HEMK2: variants seen among roughly 807,000 people sequenced by gnomAD.
HEMK2 encodes the protein HemK methyltransferase 2, ETF1 glutamine and histone H4 lysine.
chr21:28,843,952 T>C, the HEMK2 span, among the ~76,000 whole-genome samples: 2 of 152,102 alleles, frequency 1.3e-5, no homozygotes, highest in African/African-American at 2.4e-5. Flanking sequence ...ATAAAACATA[T>C]ATTTATATGC....
the HEMK2 span, among the ~76,000 whole-genome samples, chr21:28,794,834 T>C: frequency 6.6e-6 from 1 of 152,156 alleles, no homozygotes; most frequent in Non-Finnish European, 1.5e-5. Flanking sequence ...CTATGTAACA[T>C]GAGACTCAAG....
the HEMK2 span, among the ~76,000 whole-genome samples, chr21:28,597,448 AT>A: frequency 6.6e-6 from 1 of 152,244 alleles, no homozygotes; most frequent in Non-Finnish European, 1.5e-5. Context: ...ACAAGGAGTA[AT>A]TAATAGAATT....
the HEMK2 span, among the ~76,000 whole-genome samples, chr21:28,804,956 T>A: frequency 6.6e-6 from 1 of 152,256 alleles, no homozygotes; most frequent in Admixed American, 6.5e-5. Flanking sequence ...TGGGTTGTCA[T>A]TAAATATACA....
At chr21:28,653,910 C>T in the HEMK2 span, among the ~76,000 whole-genome samples, 1 of 152,136 alleles carries the variant, frequency 6.6e-6, no homozygotes, top group African/African-American at 2.4e-5. Flanking sequence ...AAACTGTAAA[C>T]TATCTTTTTA....
the HEMK2 span, among the ~76,000 whole-genome samples, chr21:28,630,999 G>A: frequency 1.3e-5 from 2 of 152,268 alleles, no homozygotes; most frequent in East Asian, 1.9e-4. Flanking sequence ...GTTTAACAGT[G>A]ACTAAGGAAA....
the HEMK2 span, among the ~76,000 whole-genome samples, chr21:28,587,528 T>G: frequency 4.6e-5 from 7 of 152,328 alleles, no homozygotes; most frequent in East Asian, 1.2e-3. Flanking sequence ...ATTTACTACA[T>G]GGGTAAGCCA....
chr21:28,600,634 C>T, the HEMK2 span, among the ~76,000 whole-genome samples: 1 of 152,224 alleles, frequency 6.6e-6, no homozygotes, highest in Non-Finnish European at 1.5e-5. Context: ...ATGTCTGCAA[C>T]TAGATTGAAT....
At chr21:28,688,098 G>C in the HEMK2 span, among the ~76,000 whole-genome samples, 1 of 152,164 alleles carries the variant, frequency 6.6e-6, no homozygotes, top group Non-Finnish European at 1.5e-5. Flanking sequence ...CAAAATGCCT[G>C]ATGATCACCA....
chr21:28,850,735 TAGTC>T, the HEMK2 span, among the ~76,000 whole-genome samples: 1 of 152,168 alleles, frequency 6.6e-6, no homozygotes, highest in Non-Finnish European at 1.5e-5. Flanking sequence ...ACCATTGTGT[TAGTC>T]AGGGTTCTCT....
the HEMK2 span, among the ~76,000 whole-genome samples, chr21:28,856,806 C>T: frequency 1.3e-5 from 2 of 152,242 alleles, no homozygotes; most frequent in Non-Finnish European, 2.9e-5. Flanking sequence ...GAGATCCCCT[C>T]GTGGGCCCAT....
At chr21:28,764,963 CTT>C in the HEMK2 span, among the ~76,000 whole-genome samples, 1 of 152,254 alleles carries the variant, frequency 6.6e-6, no homozygotes, top group East Asian at 1.9e-4. Context: ...CATTTAATCT[CTT>C]GTGTGATGCT....
At chr21:28,870,928 T>C in the HEMK2 span, among the ~76,000 whole-genome samples, 1 of 152,202 alleles carries the variant, frequency 6.6e-6, no homozygotes, top group Non-Finnish European at 1.5e-5. Context: ...AGAATATGCA[T>C]TCCCTGATTG....
the HEMK2 span, among the ~76,000 whole-genome samples, chr21:28,769,394 C>T: frequency 1.3e-5 from 2 of 152,032 alleles, no homozygotes; most frequent in Non-Finnish European, 2.9e-5. Context: ...CCAAAATGAA[C>T]GTCAAAGATC....
chr21:28,860,699 CTTGAG>C, the HEMK2 span, among the ~76,000 whole-genome samples: 1 of 151,962 alleles, frequency 6.6e-6, no homozygotes, highest in Non-Finnish European at 1.5e-5. Flanking sequence ...ACAAGAATTG[CTTGAG>C]TTTTCTAATT....
chr21:28,730,154 G>A, the HEMK2 span, among the ~76,000 whole-genome samples: 1 of 151,968 alleles, frequency 6.6e-6, no homozygotes, highest in Non-Finnish European at 1.5e-5. Flanking sequence ...AAGGCGGGAG[G>A]ATCACTTGAG....
the HEMK2 span, among the ~76,000 whole-genome samples, chr21:28,720,217 A>G: frequency 6.6e-6 from 1 of 152,258 alleles, no homozygotes; most frequent in African/African-American, 2.4e-5. Context: ...AGAAACACAC[A>G]TAAGGTATGT....
chr21:28,878,787 G>A, the HEMK2 span, among the ~76,000 whole-genome samples: 1 of 151,654 alleles, frequency 6.6e-6, no homozygotes, highest in South Asian at 2.1e-4. Context: ...ACAGAAAGAA[G>A]CTAGAAGGAA....
At chr21:28,636,155 T>C in the HEMK2 span, among the ~76,000 whole-genome samples, 3 of 152,178 alleles carry the variant, frequency 2.0e-5, no homozygotes, top group Non-Finnish European at 2.9e-5. Flanking sequence ...TTTTGGTACA[T>C]TGAGTATCTT....
At chr21:28,622,728 GA>G in the HEMK2 span, among the ~76,000 whole-genome samples, 1 of 152,114 alleles carries the variant, frequency 6.6e-6, no homozygotes, top group African/African-American at 2.4e-5. Flanking sequence ...CAAGCAATGG[GA>G]AAAGGATTCC....
Sources: allele counts gnomAD v4.1 joint callset (sites outside exome capture counted in the v4.1 genomes callset), GRCh38; gene constraint gnomAD v4.1.1; transcripts MANE v1.5; gene names NCBI Gene and HGNC (gene_info 2026-07-23, HGNC 2026-07-21).